The following HYDIN variants were observed in gnomAD, a reference collection of about 807,000 sequenced individuals.
HYDIN encodes axonemal central pair apparatus protein HYDIN.
A neutral mutation model predicts 403.9 loss-of-function variants in HYDIN; 132 were observed. That is an observed-to-expected ratio of 0.33 (90% confidence interval 0.28 to 0.38). The LOEUF is 0.38. Ranked by LOEUF, HYDIN falls within the 10% of genes least tolerant of loss-of-function variation. The pLI, the probability that HYDIN is intolerant of heterozygous loss-of-function variation, is 1.00. For missense variants in HYDIN, 2,827 were observed against 5,009.5 expected (o/e 0.56, Z 13.15); for synonymous variants, 1,202 against 1,891.7 (o/e 0.64, Z 9.46).
At chr16:70,946,674 G>A (rs2077872839) in intron 41 of HYDIN, among the ~76,000 whole-genome samples, 1 of 152,154 alleles carries the variant, frequency 6.6e-6, no homozygotes, top group African/African-American at 2.4e-5. Flanking sequence ...ATGGGGCCAG[G>A]TGCTTACCAG....
chr16:71,180,584 T>A (rs1181272257), intron 3 of HYDIN, among the ~76,000 whole-genome samples: 1 of 150,140 alleles, frequency 6.7e-6, no homozygotes, highest in East Asian at 2.0e-4. Context: ...TATAGGCCAG[T>A]CTCATTCATA....
intron 71 of HYDIN, among the ~76,000 whole-genome samples, chr16:70,858,295 G>A (rs2143607253): frequency 6.6e-6 from 1 of 152,350 alleles, no homozygotes. Context: ...ATTAGGAAAT[G>A]AGTGGCCAGG....
chr16:71,215,121 G>A (rs2088811794), intron 1 of HYDIN, among the ~76,000 whole-genome samples: 1 of 152,124 alleles, frequency 6.6e-6, no homozygotes, highest in Non-Finnish European at 1.5e-5. Flanking sequence ...CAACTTGCAG[G>A]GTTCTCCCAT....
chr16:70,808,182 G>A, intron 85 of HYDIN, 120 bp from the exon 86 acceptor site: 1 of 1,165,328 alleles, frequency 8.6e-7, no homozygotes, highest in Non-Finnish European at 1.2e-6. Context: ...GTGAGACTGG[G>A]AATGTTATAA....
At chr16:71,182,951 G>A (rs749346340) in intron 3 of HYDIN, among the ~76,000 whole-genome samples, 4 of 152,096 alleles carry the variant, frequency 2.6e-5, no homozygotes, top group Non-Finnish European at 4.4e-5. Flanking sequence ...TCAGATACAA[G>A]TGAATAAAAG....
chr16:70,972,678 T>C (rs1433837579), intron 35 of HYDIN, among the ~76,000 whole-genome samples: 3 of 152,212 alleles, frequency 2.0e-5, no homozygotes, highest in Non-Finnish European at 4.4e-5. Context: ...AGGTAGTCAT[T>C]ACAGGTTGAC....
intron 18 of HYDIN, among the ~76,000 whole-genome samples, chr16:71,045,540 C>T (rs2081424980): frequency 6.6e-6 from 1 of 150,418 alleles, no homozygotes; most frequent in Non-Finnish European, 1.5e-5. Flanking sequence ...AGGTTACTAG[C>T]TTAGCATCCT....
At chr16:70,848,957 G>C (rs2038415562) in intron 75 of HYDIN, among the ~76,000 whole-genome samples, 1 of 150,186 alleles carries the variant, frequency 6.7e-6, no homozygotes, top group Non-Finnish European at 1.5e-5. Flanking sequence ...TCAGTCAGCT[G>C]CAGTGTTAAA....
rs145510606 is a variant in HYDIN, at chr16:70,834,865, CAT to C, written c.13402-703_13402-702del. Among the ~76,000 whole-genome samples, 157 of 142,918 alleles carry C rather than the reference CAT, an allele frequency of 1.1e-3. 1 individual carries two copies. Among genetic ancestry groups the C allele is most frequent in the South Asian group, 5.2e-3 (24 of 4,614 alleles). The allele number at this position is 142,918 out of a possible 152,430, so 93.8% of individuals were successfully genotyped here. A position where few individuals can be genotyped will look rare whatever the true frequency, so the allele number is the denominator to read the frequency against. ...TCCGACTCAAAAAAAACCAAACAAA[CAT>C]ATATATATGTGTGTGTGTGTGTGTA... On this transcript the variant is annotated intron_variant, in intron 78 of 85. Transcript: ENST00000393567.
In HYDIN at chr16:70,992,195, C is replaced by G. The variant is rs704641; in HGVS notation, c.3660G>C (p.Pro1220=). ...ACACTGGGGCACTGTAGGGCTTCTT[C>G]GGCAATGTCACAAACCTACCAAAGC... ...EENQIRFVTL[P]KKPYSAPVSQ... Residue 1220 remains proline, a synonymous_variant, in exon 24 of 86, where the codon CCG becomes CCC. Transcript: ENST00000393567. 7 of 1,591,600 alleles carry G rather than the reference C, an allele frequency of 4.4e-6. No individual in the cohort carries two copies. The highest frequency in any genetic ancestry group is 6.0e-6 in the Non-Finnish European group (7 of 1,170,764).
intron 12 of HYDIN, among the ~76,000 whole-genome samples, chr16:71,085,726 C>A (rs2082912865): frequency 6.6e-6 from 1 of 152,102 alleles, no homozygotes; most frequent in African/African-American, 2.4e-5. Context: ...TCTTGAATAA[C>A]AATTTTTATT....
intron 44 of HYDIN, among the ~76,000 whole-genome samples, chr16:70,937,123 GGTGTGTGTGTGTGCATGTGTGT>G (rs1009161483): frequency 6.6e-6 from 1 of 150,642 alleles, no homozygotes; most frequent in Non-Finnish European, 1.5e-5. Flanking sequence ...TTTACTTCAT[GGTGTGTGTGTGTGCATGTGTGT>G]GTGTGTGTGT....
chr16:70,931,221 T>TTTG (rs1248102493), intron 45 of HYDIN, among the ~76,000 whole-genome samples: 1 of 122,642 alleles, frequency 8.2e-6, no homozygotes, highest in Non-Finnish European at 1.7e-5. Flanking sequence ...TTTTTTTTTT[T>TTTG]TTTTTTTTTT....
intron 78 of HYDIN, 142 bp downstream of exon 78, chr16:70,835,534 A>G: frequency 1.4e-6 from 1 of 726,088 alleles, no homozygotes; most frequent in East Asian, 2.7e-5. Flanking sequence ...GAAAATGAAC[A>G]GAGGGAGTAC....
Position 70,981,684 on chromosome 16 carries a change from A to G in HYDIN, c.4333-116T>C. 3 of 1,394,300 alleles carry G rather than the reference A, an allele frequency of 2.2e-6. No individual in the cohort carries two copies. The South Asian group carries it at 5.6e-5, about 26-fold the overall frequency. 86.4% of individuals were successfully genotyped at this position (1,394,300 alleles called of 1,614,324 possible). ...CAAAGTAAACCTAAAAAAAGAAGGA[A>G]AGGAGTAAGAGATTTAATGAAATGA... is the stretch of plus-strand genomic sequence containing the variant. On this transcript the variant is annotated intron_variant, in intron 28 of 85. Coordinates refer to ENST00000393567, the MANE Select transcript of HYDIN (RefSeq NM_001270974.2).
At chr16:71,202,759 A>G (rs1427143428) in intron 1 of HYDIN, among the ~76,000 whole-genome samples, 2 of 152,192 alleles carry the variant, frequency 1.3e-5, no homozygotes, top group Non-Finnish European at 2.9e-5. Context: ...TCAATTAAAA[A>G]TACTCTTTAA....
At chr16:71,230,255 C>T (rs1174709023) in intron 1 of HYDIN, among the ~76,000 whole-genome samples, 1 of 152,192 alleles carries the variant, frequency 6.6e-6, no homozygotes, top group Non-Finnish European at 1.5e-5. Flanking sequence ...CCATTTTCCC[C>T]GGTAAGACGG....
At chr16:70,890,364 CAAAT>C (rs1232383056) in intron 57 of HYDIN, among the ~76,000 whole-genome samples, 3 of 151,976 alleles carry the variant, frequency 2.0e-5, no homozygotes, top group East Asian at 1.9e-4. Context: ...GCTAAAATAA[CAAAT>C]AAATAAAAAC....
chr16:70,837,386 T>A (rs960403280), intron 77 of HYDIN, among the ~76,000 whole-genome samples: 2 of 152,120 alleles, frequency 1.3e-5, no homozygotes, highest in African/African-American at 4.8e-5. Context: ...GGGTGCTGAG[T>A]CTGAAAGTCT....
Sources: allele counts gnomAD v4.1 joint callset (sites outside exome capture counted in the v4.1 genomes callset), GRCh38; gene constraint gnomAD v4.1.1; transcripts MANE v1.5; gene names NCBI Gene and HGNC (gene_info 2026-07-23, HGNC 2026-07-21).